The following CUBN variants were observed in gnomAD, a reference collection of about 807,000 sequenced individuals.
The protein encoded by CUBN is cubilin.
A neutral mutation model predicts 405.3 loss-of-function variants in CUBN; 282 were observed. The observed-to-expected ratio is 0.70, with a 90% CI of 0.63 to 0.77. The LOEUF is 0.77. Among genes scored for constraint, CUBN ranks in the 30% least tolerant of loss-of-function variants. The pLI, the probability that CUBN is intolerant of heterozygous loss-of-function variation, is 0.00. For synonymous variants in CUBN, 1,684 were observed against 1,617.0 expected (o/e 1.04, Z -0.99); for missense variants, 4,514 against 4,475.2 (o/e 1.01, Z -0.25).
intron 17 of CUBN, 67 bp downstream of exon 17, chr10:17,084,204 C>A (rs1370856488): frequency 2.6e-6 from 4 of 1,512,834 alleles, no homozygotes. Flanking sequence ...TTTTGAAGAC[C>A]ACCACTCTGC....
chr10:16,881,822 A>C (rs1840671616), intron 56 of CUBN, among the ~76,000 whole-genome samples: 1 of 152,232 alleles, frequency 6.6e-6, no homozygotes, highest in African/African-American at 2.4e-5. Context: ...AATATGCAAG[A>C]AAATGGATAT....
At chr10:17,090,804 G>C (rs573231905) in intron 14 of CUBN, among the ~76,000 whole-genome samples, 3 of 130,892 alleles carry the variant, frequency 2.3e-5, no homozygotes, top group Admixed American at 1.5e-4. Flanking sequence ...TACTGTATGA[G>C]AGAAGAGGTA....
At chr10:16,953,075 G>A (rs1842961742) in intron 32 of CUBN, among the ~76,000 whole-genome samples, 1 of 152,172 alleles carries the variant, frequency 6.6e-6, no homozygotes, top group Non-Finnish European at 1.5e-5. Context: ...GCAGGAGCTT[G>A]AGCTTTATTC....
intron 54 of CUBN, among the ~76,000 whole-genome samples, chr10:16,897,976 T>C (rs529584425): frequency 7.5e-4 from 114 of 152,082 alleles, no homozygotes; most frequent in East Asian, 1.4e-3. Context: ...TCTGAATACT[T>C]GATATTGATT....
At chr10:16,885,405 ATC>A (rs1361981687) in intron 56 of CUBN, among the ~76,000 whole-genome samples, 1 of 152,230 alleles carries the variant, frequency 6.6e-6, no homozygotes, top group Non-Finnish European at 1.5e-5. Context: ...ATCTAACATT[ATC>A]TGACTTTCAG....
intron 56 of CUBN, among the ~76,000 whole-genome samples, chr10:16,885,979 T>G (rs1189855046): frequency 1.3e-5 from 2 of 152,236 alleles, no homozygotes; most frequent in Non-Finnish European, 2.9e-5. Flanking sequence ...AATAGCCTTA[T>G]AGATTTTATT....
intron 28 of CUBN, among the ~76,000 whole-genome samples, chr10:16,998,387 A>C (rs1217335388): frequency 2.0e-5 from 3 of 152,212 alleles, no homozygotes; most frequent in Non-Finnish European, 2.9e-5. Flanking sequence ...TTATGCATCT[A>C]CAAGGCTTAG....
intron 10 of CUBN, among the ~76,000 whole-genome samples, chr10:17,109,316 A>G (rs1200561788): frequency 6.6e-6 from 1 of 152,184 alleles, no homozygotes; most frequent in Admixed American, 6.5e-5. Flanking sequence ...AGTTCTAAGC[A>G]ATGGCCTAGA....
At chr10:16,932,381 G>A (rs1195913472) in intron 40 of CUBN, among the ~76,000 whole-genome samples, 1 of 152,110 alleles carries the variant, frequency 6.6e-6, no homozygotes, top group Non-Finnish European at 1.5e-5. Context: ...TGGCCTTTCT[G>A]CTGTCCTCCT....
At chr10:16,982,382 A>G (rs1833298564) in intron 31 of CUBN, 102 bp downstream of exon 31, 5 of 1,078,142 alleles carry the variant, frequency 4.6e-6, no homozygotes, top group Admixed American at 1.8e-5. Flanking sequence ...ATGAATCGAC[A>G]TTAAAAACAC....
At chr10:16,930,903 C>T (rs1407855951) in intron 40 of CUBN, among the ~76,000 whole-genome samples, 3 of 152,162 alleles carry the variant, frequency 2.0e-5, no homozygotes, top group Non-Finnish European at 4.4e-5. Context: ...TTACATGCTT[C>T]TGCTACTCAG....
intron 23 of CUBN, 68 bp downstream of exon 23, chr10:17,047,346 T>G (rs1242358680): frequency 1.1e-5 from 15 of 1,325,162 alleles, no homozygotes; most frequent in Non-Finnish European, 1.5e-5. Flanking sequence ...TCCTTAATCT[T>G]CCTAGGAAAG....
At chr10:16,977,896 G>A (rs1833146709) in intron 31 of CUBN, among the ~76,000 whole-genome samples, 1 of 152,230 alleles carries the variant, frequency 6.6e-6, no homozygotes, top group Non-Finnish European at 1.5e-5. Context: ...TCCTGTAACG[G>A]AGGTCAGGGA....
intron 56 of CUBN, among the ~76,000 whole-genome samples, chr10:16,883,203 G>C (rs1471886485): frequency 2.0e-5 from 3 of 152,300 alleles, no homozygotes; most frequent in African/African-American, 7.2e-5. Context: ...GAGTAGCTGG[G>C]AGACTGGTCT....
At chr10:16,863,752 C>T (rs959696233) in intron 59 of CUBN, among the ~76,000 whole-genome samples, 1 of 152,084 alleles carries the variant, frequency 6.6e-6, no homozygotes, top group Non-Finnish European at 1.5e-5. Flanking sequence ...CTTTGTGGCC[C>T]TAGACTCTCT....
At chr10:17,025,599 A>G (rs537677693) in intron 27 of CUBN, among the ~76,000 whole-genome samples, 5 of 152,322 alleles carry the variant, frequency 3.3e-5, no homozygotes, top group Non-Finnish European at 7.3e-5. Context: ...GTCAGAGGCA[A>G]AGGGAATCAA....
intron 41 of CUBN, among the ~76,000 whole-genome samples, chr10:16,926,082 G>T (rs1345628412): frequency 1.3e-5 from 2 of 152,174 alleles, no homozygotes; most frequent in Non-Finnish European, 2.9e-5. Context: ...ATGTGAGATG[G>T]TGATAAATTC....
intron 31 of CUBN, among the ~76,000 whole-genome samples, chr10:16,967,967 AAGAC>A (rs1185941387): frequency 1.2e-4 from 16 of 134,732 alleles, no homozygotes; most frequent in African/African-American, 2.9e-4. Flanking sequence ...GAGGGACAGA[AAGAC>A]AGGGAGAGAG....
chr10:16,899,585 C>T (rs773830057), intron 53 of CUBN, among the ~76,000 whole-genome samples: 2 of 152,118 alleles, frequency 1.3e-5, no homozygotes, highest in African/African-American at 2.4e-5. Flanking sequence ...CCATTTGCAA[C>T]GTTACTCTAA....
Sources: allele counts gnomAD v4.1 joint callset (sites outside exome capture counted in the v4.1 genomes callset), GRCh38; gene constraint gnomAD v4.1.1; transcripts MANE v1.5; gene names NCBI Gene and HGNC (gene_info 2026-07-23, HGNC 2026-07-21).